MEMO1: variants seen among roughly 807,000 people sequenced by gnomAD.
The protein encoded by MEMO1 is protein MEMO1.
Under a neutral mutation model 45.2 loss-of-function variants are expected in MEMO1, and 6 were observed. The observed-to-expected ratio is 0.13, with a 90% confidence interval of 0.07 to 0.26. The LOEUF (loss-of-function observed/expected upper bound fraction) is 0.26, where lower values mean the gene tolerates loss of function less well. Among genes scored for constraint, MEMO1 ranks in the 10% least tolerant of loss-of-function variants. The probability of loss-of-function intolerance (pLI) is 1.00; values close to 1 mark genes in which losing one functional copy is unlikely to be tolerated. For synonymous variants in MEMO1, 78 were observed against 124.3 expected (o/e 0.63, Z 2.48); for missense variants, 184 against 370.5 (o/e 0.50, Z 4.13).
intron 6 of MEMO1, among the ~76,000 whole-genome samples, chr2:31,914,820 T>C (rs1681176673): frequency 1.3e-5 from 2 of 151,796 alleles, no homozygotes; most frequent in South Asian, 4.2e-4. Context: ...TAGCCAGATA[T>C]GGTAGTACAT....
At chr2:31,976,522 G>A (rs993788589) in intron 2 of MEMO1, among the ~76,000 whole-genome samples, 1 of 151,650 alleles carries the variant, frequency 6.6e-6, no homozygotes, top group Non-Finnish European at 1.5e-5. Flanking sequence ...AGGTTGCAGT[G>A]AGCTGAAATC....
chr2:31,995,613 A>T (rs1376530449), intron 2 of MEMO1, among the ~76,000 whole-genome samples: 1 of 152,134 alleles, frequency 6.6e-6, no homozygotes, highest in Non-Finnish European at 1.5e-5. Context: ...GAAACAGAAA[A>T]AAAGGGGGGG....
At chr2:31,905,652 C>G (rs957620200) in intron 6 of MEMO1, among the ~76,000 whole-genome samples, 3 of 152,338 alleles carry the variant, frequency 2.0e-5, no homozygotes, top group African/African-American at 7.2e-5. Flanking sequence ...ACCCTACATT[C>G]TCTTAAACTT....
intron 8 of MEMO1, among the ~76,000 whole-genome samples, chr2:31,878,752 G>A (rs1307071437): frequency 6.6e-6 from 1 of 151,826 alleles, no homozygotes; most frequent in African/African-American, 2.4e-5. Context: ...TTAGTACTGA[G>A]GTATCTTTCA....
At chr2:31,968,929 ATTG>A (rs1008924367) in intron 2 of MEMO1, among the ~76,000 whole-genome samples, 2 of 152,156 alleles carry the variant, frequency 1.3e-5, no homozygotes, top group African/African-American at 4.8e-5. Flanking sequence ...TTATAATAAA[ATTG>A]TTAATTTTAA....
At chr2:31,934,281 C>G (rs1445826273) in intron 3 of MEMO1, among the ~76,000 whole-genome samples, 1 of 152,020 alleles carries the variant, frequency 6.6e-6, no homozygotes, top group Non-Finnish European at 1.5e-5. Flanking sequence ...AATTTAAAGG[C>G]TCTAATCCCC....
At chr2:31,957,049 G>A (rs1358049728) in intron 2 of MEMO1, among the ~76,000 whole-genome samples, 1 of 151,800 alleles carries the variant, frequency 6.6e-6, no homozygotes. Flanking sequence ...GGCTGAAGCA[G>A]GAGAATCACT....
intron 8 of MEMO1, among the ~76,000 whole-genome samples, chr2:31,875,695 T>C (rs1174385183): frequency 6.6e-6 from 1 of 152,044 alleles, no homozygotes; most frequent in Non-Finnish European, 1.5e-5. Context: ...CTTTATTTTT[T>C]TTCTTTTTGA....
rs1348113401 is a variant in MEMO1, at chr2:31,902,394, C to T, written c.438-10260G>A. ...GCGTAGGCAACAGAGCAAGACTCTG[C>T]CTCAAAAAAAAAAAAGTTAAATCAT... On this transcript the variant is annotated intron_variant, in intron 6 of 9. Coordinates refer to ENST00000404530, the MANE Select transcript of MEMO1 (RefSeq NM_001301833.4). Among the ~76,000 whole-genome samples the T allele has an allele frequency of 2.8e-4, 43 of 150,934 alleles. 1 individual carries two copies. Among genetic ancestry groups the T allele is most frequent in the Admixed American group, 2.8e-3 (43 of 15,210 alleles).
At chr2:31,969,589 GTGTGTGTGTGTGTGTGTGTGT>G (rs1669103873) in intron 2 of MEMO1, among the ~76,000 whole-genome samples, 1 of 43,518 alleles carries the variant, frequency 2.3e-5, no homozygotes, top group Admixed American at 2.4e-4. Flanking sequence ...GTGTGTGGGT[GTGTGTGTGTGTGTGTGTGTGT>G]GTGTGTGTGT....
intron 2 of MEMO1, among the ~76,000 whole-genome samples, chr2:32,006,964 C>CAAAAAAAAAAAAAAAAAA (rs67557055): frequency 1.3e-5 from 1 of 75,970 alleles, no homozygotes; most frequent in Non-Finnish European, 2.5e-5. Flanking sequence ...GATTCCATCT[C>CAAAAAAAAAAAAAAAAAA]AAAAAAAAAA....
chr2:31,888,861 C>T (rs1676548440), intron 7 of MEMO1, among the ~76,000 whole-genome samples: 1 of 151,992 alleles, frequency 6.6e-6, no homozygotes, highest in Non-Finnish European at 1.5e-5. Flanking sequence ...CTGTCTCTCC[C>T]TTGGCTTAAC....
intron 6 of MEMO1, among the ~76,000 whole-genome samples, chr2:31,916,799 C>A (rs908407653): frequency 1.3e-5 from 2 of 151,994 alleles, no homozygotes; most frequent in African/African-American, 4.8e-5. Flanking sequence ...TCATTGTGAG[C>A]AGAAGCAGAC....
intron 2 of MEMO1, among the ~76,000 whole-genome samples, chr2:31,983,730 G>A (rs537400325): frequency 3.5e-4 from 54 of 152,282 alleles, no homozygotes; most frequent in Non-Finnish European, 6.0e-4. Context: ...CACCGCGCCC[G>A]GCCCCAAATC....
intron 8 of MEMO1, among the ~76,000 whole-genome samples, chr2:31,877,591 T>C (rs1307815975): frequency 3.9e-5 from 6 of 152,192 alleles, no homozygotes; most frequent in Non-Finnish European, 7.3e-5. Flanking sequence ...AAGACTGTAC[T>C]GGTTTTGTTT....
chr2:31,986,478 A>T (rs148598101), intron 2 of MEMO1, among the ~76,000 whole-genome samples: 49 of 152,252 alleles, frequency 3.2e-4, no homozygotes, highest in South Asian at 8.3e-4. Flanking sequence ...TCTCAAAAAA[A>T]AATAATAATA....
At chr2:31,971,188 T>C (rs375244556) in intron 2 of MEMO1, among the ~76,000 whole-genome samples, 65 of 152,332 alleles carry the variant, frequency 4.3e-4, no homozygotes, top group African/African-American at 1.5e-3. Context: ...TTATAAAGAT[T>C]GTAGGCCCTC....
At chr2:31,896,035 G>C (rs951286530) in intron 6 of MEMO1, among the ~76,000 whole-genome samples, 5 of 151,634 alleles carry the variant, frequency 3.3e-5, no homozygotes, top group African/African-American at 1.2e-4. Context: ...AGTAGAGACG[G>C]GGTTTCACCG....
At chr2:31,991,169 T>C (rs1671897443) in intron 2 of MEMO1, among the ~76,000 whole-genome samples, 1 of 152,160 alleles carries the variant, frequency 6.6e-6, no homozygotes, top group Non-Finnish European at 1.5e-5. Flanking sequence ...AATCACTGGA[T>C]AGACAGACAC....
Sources: gnomAD v4.1 joint callset for allele counts (sites outside exome capture counted in the v4.1 genomes callset) on GRCh38, gnomAD v4.1.1 for gene constraint, MANE v1.5 for transcripts, NCBI Gene and HGNC (gene_info 2026-07-23, HGNC 2026-07-21) for gene names.